ERCC3: variants seen among roughly 807,000 people sequenced by gnomAD.
ERCC3 encodes the protein ERCC excision repair 3, TFIIH core complex helicase subunit.
Under a neutral mutation model 94.2 loss-of-function variants are expected in ERCC3, and 66 were observed. The ratio of observed to expected loss-of-function variants is 0.70; its 90% CI spans 0.57 to 0.86. The LOEUF (loss-of-function observed/expected upper bound fraction) is 0.86. ERCC3 is among the 40% of genes least tolerant of loss of function. ERCC3 has a pLI of 0.00. For synonymous variants in ERCC3, 349 were observed against 369.1 expected (o/e 0.95, Z 0.63); for missense variants, 829 against 987.1 (o/e 0.84, Z 2.15).
At position 127,293,708 on chromosome 2, in the gene ERCC3, TTTC is replaced by T; in HGVS notation, c.36_38del (p.Lys13del). On this transcript the variant is annotated inframe_deletion, in exon 2 of 15. Coordinates refer to ENST00000285398, the MANE Select transcript of ERCC3 (RefSeq NM_000122.2). ...CATCCTCATAGTGCCGCTTCCTGGA[TTTC>T]TTCTTGTCTGCAAGATACCAACACA... 1 of 1,612,428 alleles carries T rather than the reference TTTC, an allele frequency of 6.2e-7. No homozygotes were observed. The highest frequency in any genetic ancestry group is 8.5e-7 in the Non-Finnish European group (1 of 1,180,020).
chr2:127,259,625 T>A lies in ERCC3; in HGVS notation c.2065-177A>T. ...AGAGACCAGCATCAGGAGCCGCCTT[T>A]AACAGGGAGCTTGACTAATGATCTC... On this transcript the variant is annotated intron_variant, in intron 13 of 14. Coordinates refer to ENST00000285398, the MANE Select transcript of ERCC3 (RefSeq NM_000122.2). The surrounding 1 kb of genome is among the most constrained non-coding windows in gnomAD (Gnocchi z 4.9). 1 of 741,686 alleles carries A rather than the reference T, an allele frequency of 1.3e-6. No individual in the cohort carries two copies. Among genetic ancestry groups the A allele is most frequent in the Non-Finnish European group, 2.3e-6 (1 of 427,656 alleles). 45.9% of individuals were successfully genotyped at this position (741,686 alleles called of 1,614,324 possible).
At chr2:127,270,715 A>G (rs1214502050) in intron 12 of ERCC3, among the ~76,000 whole-genome samples, 1 of 152,174 alleles carries the variant, frequency 6.6e-6, no homozygotes, top group Non-Finnish European at 1.5e-5. Flanking sequence ...TCTCTTAGCA[A>G]GAGTGTCAGT....
intron 12 of ERCC3, among the ~76,000 whole-genome samples, chr2:127,266,398 C>T (rs192095555): frequency 0.01 from 1,436 of 138,672 alleles, 21 homozygotes; most frequent in African/African-American, 0.037. Context: ...TGCAGTGGCG[C>T]GATCTCGGCT....
Position 127,257,347 on chromosome 2 carries a change from A to G in ERCC3, c.*249T>C. 1 of 545,520 alleles carries G rather than the reference A, an allele frequency of 1.8e-6. No individual in the cohort carries two copies. The highest frequency in any genetic ancestry group is 3.4e-6 in the Non-Finnish European group (1 of 294,662). 33.8% of individuals were successfully genotyped at this position (545,520 alleles called of 1,614,324 possible). ...ACGGTAACATAAATACACCTTAAATATTAACATTTTTTATATACAGAAATG... is the reference window on the plus strand; with the variant it reads ...ACGGTAACATAAATACACCTTAAATGTTAACATTTTTTATATACAGAAATG... On this transcript the variant is annotated 3_prime_UTR_variant, in exon 15 of 15. Coordinates refer to ENST00000285398, the MANE Select transcript of ERCC3 (RefSeq NM_000122.2). This position sits in a 1 kb window ranked among gnomAD's most constrained non-coding sequence, Gnocchi z 5.4.
intron 1 of ERCC3, 45 bp downstream of exon 1, chr2:127,294,009 C>T (rs556532369): frequency 1.3e-6 from 2 of 1,598,008 alleles, no homozygotes; most frequent in South Asian, 1.1e-5. Context: ...GGGGGCAGGG[C>T]CGGCAAGGGC....
At chr2:127,278,502 T>C (rs868266812) in intron 10 of ERCC3, among the ~76,000 whole-genome samples, 2 of 152,232 alleles carry the variant, frequency 1.3e-5, no homozygotes, top group Admixed American at 6.5e-5. Context: ...ACATTTTATA[T>C]GGCTGAAGTG....
chr2:127,268,660 A>G (rs1238731442), intron 12 of ERCC3, among the ~76,000 whole-genome samples: 3 of 152,158 alleles, frequency 2.0e-5, no homozygotes, highest in Non-Finnish European at 1.5e-5. Context: ...TAGCATGATG[A>G]GTTATATGAC....
At chr2:127,266,316 T>C in intron 12 of ERCC3, among the ~76,000 whole-genome samples, 1 of 145,246 alleles carries the variant, frequency 6.9e-6, no homozygotes, top group East Asian at 2.1e-4. Flanking sequence ...ATTTCGACTT[T>C]TTTGAATTTA....
At chr2:127,266,124 G>A (rs1437232117) in intron 12 of ERCC3, among the ~76,000 whole-genome samples, 2 of 149,708 alleles carry the variant, frequency 1.3e-5, no homozygotes, top group African/African-American at 2.5e-5. Flanking sequence ...ATGAGGTCTC[G>A]CTATGTTGCC....
intron 12 of ERCC3, among the ~76,000 whole-genome samples, chr2:127,270,582 A>G (rs1312126222): frequency 6.6e-6 from 1 of 152,124 alleles, no homozygotes; most frequent in African/African-American, 2.4e-5. Context: ...ATGCCCACTA[A>G]TCTTGTCATT....
intron 10 of ERCC3, among the ~76,000 whole-genome samples, chr2:127,273,255 CTA>C (rs1199372086): frequency 6.6e-6 from 1 of 152,084 alleles, no homozygotes; most frequent in African/African-American, 2.4e-5. Flanking sequence ...AGCACAGAGT[CTA>C]TACAAGGAGC....
Position 127,285,322 on chromosome 2 carries a change from G to A in ERCC3, c.1342+1381C>T, listed in dbSNP as rs369049766. ...CGTCTATAATCCCAGTACTTTGGGA[G>A]GCCCAAGCAGGCAGATCACTTAAAG... On this transcript the variant is annotated intron_variant, in intron 8 of 14. Transcript: ENST00000285398. Among the ~76,000 whole-genome samples the A allele has an allele frequency of 9.9e-5, 15 of 152,252 alleles. No homozygotes were observed. The East Asian group carries it at 1.7e-3, about 18-fold the overall frequency.
At chr2:127,275,798 A>G (rs1358891764) in intron 10 of ERCC3, among the ~76,000 whole-genome samples, 1 of 152,244 alleles carries the variant, frequency 6.6e-6, no homozygotes, top group Non-Finnish European at 1.5e-5. Context: ...AGTGGGTAAC[A>G]TTTCAGAAGC....
Position 127,280,464 on chromosome 2 carries a change from T to C in ERCC3, c.1510A>G (p.Lys504Glu). 2.5e-6 allele frequency: 4 copies of C among 1,612,814 alleles called. No individual in the cohort carries two copies. The highest frequency in any genetic ancestry group is 3.4e-6 in the Non-Finnish European group (4 of 1,179,548). ...MELQNNGYIA[K>E]VQCAEVWCPM... ...CCAGCTACCTCAGCACACTGGACTT[T>C]GGCGATGTAGCCATTATTCTGCAGC... The change falls in exon 9 of 15, where the codon AAA (lysine) becomes GAA (glutamate). Residue 504 changes from lysine (K) to glutamate (E), a missense_variant. By Grantham distance (56) the Lys-to-Glu change is moderately conservative. Coordinates refer to ENST00000285398, the MANE Select transcript of ERCC3 (RefSeq NM_000122.2). This position sits in a 1 kb window ranked among gnomAD's most constrained non-coding sequence, Gnocchi z 6.3.
chr2:127,294,067 G>A lies in ERCC3; in HGVS notation c.15C>T (p.Asp5=), dbSNP rs745552129. MGKR[D]RADRDKKKSR... is the part of the protein sequence containing the mutation. ...GCAACGTCTCACCGCGGTCCGCTCG[G>A]TCTCTTTTGCCCATGGCAGCTACAG... The change falls in exon 1 of 15, where the codon GAC becomes GAT. Residue 5 remains aspartate, a synonymous_variant. Transcript: ENST00000285398. The A allele has an allele frequency of 6.8e-6, 11 of 1,608,132 alleles. No individual in the cohort carries two copies. The highest frequency in any genetic ancestry group is 1.3e-5 in the African/African-American group (1 of 75,040).
Position 127,294,087 on chromosome 2 carries a change from C to T in ERCC3, c.-6G>A, listed in dbSNP as rs1685382638. 6.2e-7 allele frequency: 1 copy of T among 1,607,600 alleles called. No homozygotes were observed. Among genetic ancestry groups the T allele is most frequent in the Non-Finnish European group, 8.5e-7 (1 of 1,179,514 alleles). ...GCTCGGTCTCTTTTGCCCATGGCAG[C>T]TACAGCAGCAGAGAGAAGATGACCC... On this transcript the variant is annotated 5_prime_UTR_variant, in exon 1 of 15. The change abolishes the stop of an existing upstream ORF in the 5' untranslated region. Coordinates refer to ENST00000285398, the MANE Select transcript of ERCC3 (RefSeq NM_000122.2).
chr2:127,269,179 T>C (rs1028425472), intron 12 of ERCC3, among the ~76,000 whole-genome samples: 9 of 152,298 alleles, frequency 5.9e-5, no homozygotes, highest in Admixed American at 2.0e-4. Flanking sequence ...GAAAGGAAAA[T>C]TGCAGATATG....
intron 13 of ERCC3, chr2:127,260,812 G>A (rs1360130771): frequency 9.6e-6 from 2 of 208,268 alleles, no homozygotes; most frequent in South Asian, 1.8e-4. Context: ...GCCAGTGAAA[G>A]TTAGCCAAAG....
intron 7 of ERCC3, 86 bp downstream of exon 7, chr2:127,288,574 G>T: frequency 8.6e-7 from 1 of 1,162,164 alleles, no homozygotes; most frequent in Non-Finnish European, 1.3e-6. Flanking sequence ...GTGTGATTTA[G>T]GGAAATGTGC....
Sources: allele counts gnomAD v4.1 joint callset (sites outside exome capture counted in the v4.1 genomes callset), GRCh38; gene constraint gnomAD v4.1.1; non-coding constraint Gnocchi (gnomAD v3.1); transcripts MANE v1.5; gene names NCBI Gene and HGNC (gene_info 2026-07-23, HGNC 2026-07-21).